Variants in HDAC9 observed in about 807,000 individuals in gnomAD.
HDAC9 encodes histone deacetylase 9.
Under a neutral mutation model 139.4 loss-of-function variants are expected in HDAC9, and 41 were observed. The observed-to-expected ratio is 0.29, with a 90% CI of 0.23 to 0.38. The LOEUF (loss-of-function observed/expected upper bound fraction) is 0.38, where lower values mean the gene tolerates loss of function less well. Ranked by LOEUF, HDAC9 falls within the 10% of genes least tolerant of loss-of-function variation. The probability of loss-of-function intolerance (pLI) is 1.00; values close to 1 mark genes in which losing one functional copy is unlikely to be tolerated. For synonymous variants in HDAC9, 517 were observed against 476.2 expected (o/e 1.09, Z -1.12); for missense variants, 1,147 against 1,297.0 (o/e 0.88, Z 1.78).
At chr7:18,354,104 A>G (rs1014206179) in intron 1 of HDAC9, among the ~76,000 whole-genome samples, 10 of 152,178 alleles carry the variant, frequency 6.6e-5, no homozygotes, top group Non-Finnish European at 1.2e-4. Context: ...TTTAAAAGAA[A>G]TTTTATCATC....
At chr7:18,603,282 T>C (rs532668721) in intron 6 of HDAC9, among the ~76,000 whole-genome samples, 2 of 152,250 alleles carry the variant, frequency 1.3e-5, no homozygotes, top group Admixed American at 1.3e-4. Flanking sequence ...ATTGAGACAA[T>C]TCACATTTAA....
At chr7:18,262,120 AC>A (rs1280069362) in intron 2 of HDAC9, among the ~76,000 whole-genome samples, 1 of 152,238 alleles carries the variant, frequency 6.6e-6, no homozygotes, top group Non-Finnish European at 1.5e-5. Flanking sequence ...TAAAAATAAA[AC>A]CAAAACAAAG....
At position 18,702,018 on chromosome 7, in the gene HDAC9, C is replaced by G. The variant is rs140306022; in HGVS notation, c.1732-25562C>G. Among the ~76,000 whole-genome samples the G allele has an allele frequency of 1.1e-3, 162 of 152,292 alleles. 1 individual carries two copies. The highest frequency in any genetic ancestry group is 3.8e-3 in the African/African-American group (159 of 41,554). ...CTTCTCTCTTTCACTCTTTTTCTTA[C>G]TGTTTAACTTCAGCTACTAACAGCA... On this transcript the variant is annotated intron_variant, in intron 12 of 25. Coordinates refer to ENST00000686413, the MANE Select transcript of HDAC9 (RefSeq NM_178425.4).
intron 12 of HDAC9, among the ~76,000 whole-genome samples, chr7:18,718,241 T>G (rs11970990): frequency 0.013 from 2,037 of 152,286 alleles, 44 homozygotes; most frequent in African/African-American, 0.037. Context: ...TGTTTGTTTT[T>G]TTGTTTTTGA....
chr7:18,295,797 A>C (rs1369525228), intron 1 of HDAC9, among the ~76,000 whole-genome samples: 6 of 152,122 alleles, frequency 3.9e-5, no homozygotes. Context: ...ATTTTTGATT[A>C]TTACAGCTGG....
chr7:18,141,964 A>T (rs1785930014), intron 1 of HDAC9, among the ~76,000 whole-genome samples: 1 of 152,184 alleles, frequency 6.6e-6, no homozygotes, highest in Non-Finnish European at 1.5e-5. Context: ...CTATCAGTTC[A>T]TTGAATCATA....
intron 21 of HDAC9, among the ~76,000 whole-genome samples, chr7:18,865,482 G>A (rs1305521276): frequency 1.3e-5 from 2 of 152,138 alleles, no homozygotes; most frequent in African/African-American, 4.8e-5. Context: ...TTCAGGTCTG[G>A]GCTGGTGGAG....
intron 2 of HDAC9, among the ~76,000 whole-genome samples, chr7:18,242,847 G>A (rs1007405752): frequency 8.5e-5 from 13 of 152,052 alleles, no homozygotes; most frequent in Non-Finnish European, 1.6e-4. Context: ...CCTTTAGAAT[G>A]GAAGGGTCTT....
chr7:18,169,292 A>C (rs1195108776), intron 2 of HDAC9, among the ~76,000 whole-genome samples: 1 of 151,990 alleles, frequency 6.6e-6, no homozygotes, highest in Non-Finnish European at 1.5e-5. Flanking sequence ...TACATACTGT[A>C]ATTGCATTTT....
intron 17 of HDAC9, among the ~76,000 whole-genome samples, chr7:18,794,033 C>T (rs796708586): frequency 3.3e-5 from 5 of 152,256 alleles, no homozygotes; most frequent in African/African-American, 1.2e-4. Context: ...GAACAATGTC[C>T]AAACCCCAGC....
In HDAC9 at chr7:18,534,949, C is replaced by A. The variant is rs150445053; in HGVS notation, c.22+38625C>A. The stretch of plus-strand genomic sequence containing the variant: ...GCTACAATCAGACCTTAAACCAGTC[C>A]CTGCGCTTTTGACCTTGCGCTTGAC... On this transcript the variant is annotated intron_variant, in intron 2 of 25. Transcript: ENST00000686413. 2.5e-3 allele frequency among the ~76,000 whole-genome samples: 373 copies of A among 152,178 alleles called. 3 individuals carry two copies. Among genetic ancestry groups the A allele is most frequent in the Admixed American group, 0.023 (351 of 15,270 alleles).
chr7:18,484,958 G>C (rs1488840615), intron 1 of HDAC9, among the ~76,000 whole-genome samples: 1 of 151,862 alleles, frequency 6.6e-6, no homozygotes, highest in Admixed American at 6.6e-5. Flanking sequence ...TTATAAGCAA[G>C]TACCATTGAG....
chr7:18,323,644 A>G (rs1277988572), intron 1 of HDAC9, among the ~76,000 whole-genome samples: 3 of 152,176 alleles, frequency 2.0e-5, no homozygotes, highest in Admixed American at 1.3e-4. Flanking sequence ...GGGATCAACA[A>G]TGAATAAGAC....
intron 1 of HDAC9, among the ~76,000 whole-genome samples, chr7:18,343,251 A>G (rs1321643807): frequency 6.6e-6 from 1 of 151,756 alleles, no homozygotes; most frequent in Non-Finnish European, 1.5e-5. Flanking sequence ...TACCCACTGG[A>G]ACACATTTCA....
intron 1 of HDAC9, among the ~76,000 whole-genome samples, chr7:18,104,022 C>T (rs528108370): frequency 3.9e-5 from 6 of 152,168 alleles, no homozygotes; most frequent in South Asian, 2.1e-4. Flanking sequence ...ACATTCAGAC[C>T]GAGACTGTGT....
intron 2 of HDAC9, among the ~76,000 whole-genome samples, chr7:18,187,755 C>T (rs530252028): frequency 6.6e-6 from 1 of 152,120 alleles, no homozygotes; most frequent in African/African-American, 2.4e-5. Flanking sequence ...TGTAATTTCT[C>T]GAAAATCTTC....
chr7:18,830,359 T>C (rs1036758939), intron 19 of HDAC9, among the ~76,000 whole-genome samples: 2 of 152,188 alleles, frequency 1.3e-5, no homozygotes, highest in Non-Finnish European at 2.9e-5. Flanking sequence ...AGACAGGAAA[T>C]GAACCCTGGC....
At chr7:18,984,074 C>T (rs998782264) in intron 25 of HDAC9, among the ~76,000 whole-genome samples, 6 of 152,138 alleles carry the variant, frequency 3.9e-5, no homozygotes, top group Non-Finnish European at 5.9e-5. Context: ...TACACTTCTG[C>T]ATTACTCCAC....
intron 1 of HDAC9, among the ~76,000 whole-genome samples, chr7:18,097,841 G>A (rs1782607622): frequency 6.6e-6 from 1 of 152,040 alleles, no homozygotes; most frequent in Non-Finnish European, 1.5e-5. Flanking sequence ...TGAGATTATA[G>A]GAGTGGACCA....
Sources: allele counts gnomAD v4.1 joint callset (sites outside exome capture counted in the v4.1 genomes callset), GRCh38; gene constraint gnomAD v4.1.1; transcripts MANE v1.5; gene names NCBI Gene and HGNC (gene_info 2026-07-23, HGNC 2026-07-21).